CHIC1: variants seen among roughly 807,000 people sequenced by gnomAD.
CHIC1 encodes the protein cysteine-rich hydrophobic domain-containing protein 1.
A neutral mutation model predicts 18.5 loss-of-function variants in CHIC1; 7 were observed. That is an observed-to-expected ratio of 0.38 (90% confidence interval 0.22 to 0.71). The LOEUF (loss-of-function observed/expected upper bound fraction) is 0.71, where lower values mean the gene tolerates loss of function less well. Ranked by LOEUF, CHIC1 falls within the 30% of genes least tolerant of loss-of-function variation. CHIC1 has a pLI of 0.49. For missense variants in CHIC1, 159 were observed against 176.9 expected, an observed-to-expected ratio of 0.90 and a Z score of 0.57; for synonymous variants, 77 against 73.5, an observed-to-expected ratio of 1.05 and a Z score of -0.25.
intron 2 of CHIC1, among the ~76,000 whole-genome samples, chrX:73,580,510 A>G (rs1403553734): frequency 9.0e-6 from 1 of 111,037 alleles, no homozygotes; most frequent in East Asian, 2.8e-4. Context: ...TGGTGGTAAC[A>G]TTAGCTTTAT....
chrX:73,604,005 G>T (rs983740709), intron 3 of CHIC1, among the ~76,000 whole-genome samples: 2 of 108,843 alleles, frequency 1.8e-5, no homozygotes, highest in African/African-American at 3.6e-5. Context: ...GTAACAGGAT[G>T]ATGCTGGCCT....
In CHIC1 at chrX:73,584,459, G is replaced by T; in HGVS notation, c.394G>T (p.Ala132Ser). The change falls in exon 3 of 6, where the codon GCA becomes TCA. Residue 132 changes from alanine (A) to serine (S), a missense_variant. Transcript: ENST00000373502. ...TAAAACCAGCATTGGCCGTGTGAAT[G>T]CATGTTTGAAAAAGGCTCTCCCGGT... is the stretch of plus-strand genomic sequence containing the variant. ...EFKTSIGRVN[A>S]CLKKALPVNV... 1 of 1,181,731 alleles carries T rather than the reference G, an allele frequency of 8.5e-7. No individual in the cohort carries two copies. The highest frequency in any genetic ancestry group is 1.1e-6 in the Non-Finnish European group (1 of 879,245).
intron 3 of CHIC1, among the ~76,000 whole-genome samples, chrX:73,609,586 C>T (rs1301771939): frequency 9.1e-6 from 1 of 109,508 alleles, no homozygotes; most frequent in African/African-American, 3.5e-5. Context: ...TTTTAAAATA[C>T]TTATAGAGAT....
chrX:73,589,367 G>T (rs2057569783), intron 3 of CHIC1, among the ~76,000 whole-genome samples: 1 of 110,531 alleles, frequency 9.0e-6, no homozygotes, highest in Admixed American at 9.7e-5. Context: ...ATGTTTAATT[G>T]AGTTTTTTAC....
At chrX:73,659,961 G>C (rs996762560) in intron 3 of CHIC1, among the ~76,000 whole-genome samples, 1 of 111,657 alleles carries the variant, frequency 9.0e-6, no homozygotes, top group Non-Finnish European at 1.9e-5. Flanking sequence ...ACATCAGTAT[G>C]ATCACCCTGA....
At chrX:73,667,001 C>T (rs2058007360) in intron 3 of CHIC1, among the ~76,000 whole-genome samples, 1 of 111,606 alleles carries the variant, frequency 9.0e-6, no homozygotes. Flanking sequence ...TTTTGAAAGT[C>T]TCTAAAAACT....
chrX:73,602,477 C>T (rs2057656251), intron 3 of CHIC1, among the ~76,000 whole-genome samples: 1 of 108,621 alleles, frequency 9.2e-6, no homozygotes. Context: ...CCTGTTCACT[C>T]TGATGATAGT....
At chrX:73,600,340 G>A (rs371173353) in intron 3 of CHIC1, among the ~76,000 whole-genome samples, 21 of 93,815 alleles carry the variant, frequency 2.2e-4, no homozygotes, top group African/African-American at 4.5e-4. Flanking sequence ...TCTCCTGCCT[G>A]ATTGCCCTGG....
At chrX:73,585,325 T>TA (rs2057547733) in intron 3 of CHIC1, among the ~76,000 whole-genome samples, 1 of 111,445 alleles carries the variant, frequency 9.0e-6, no homozygotes, top group East Asian at 2.8e-4. Context: ...ATTATTTTTT[T>TA]ATCTCTATTC....
chrX:73,590,552 A>G (rs2458396), intron 3 of CHIC1, among the ~76,000 whole-genome samples: 1,461 of 111,469 alleles, frequency 0.013, 18 homozygotes, highest in African/African-American at 0.045. Context: ...AATGATATGT[A>G]GCCATCATCA....
chrX:73,587,889 G>A (rs1189010288), intron 3 of CHIC1, among the ~76,000 whole-genome samples: 1 of 111,120 alleles, frequency 9.0e-6, no homozygotes, highest in African/African-American at 3.3e-5. Flanking sequence ...TAATTTATGT[G>A]TCAACCTTGA....
chrX:73,672,529 G>A (rs1195778506), intron 3 of CHIC1, among the ~76,000 whole-genome samples: 1 of 112,392 alleles, frequency 8.9e-6, no homozygotes, highest in African/African-American at 3.2e-5. Context: ...GTGATGATGA[G>A]CATTTTTTCA....
At chrX:73,655,498 ATATATATACATATATACACAATAT>A (rs2057941549) in intron 3 of CHIC1, among the ~76,000 whole-genome samples, 2 of 83,100 alleles carry the variant, frequency 2.4e-5, no homozygotes, top group Admixed American at 2.8e-4. Flanking sequence ...TATTGTGTAT[ATATATATACATATATACACAATAT>A]TGTGTATATA....
At chrX:73,674,562 G>A (rs1323639508) in intron 3 of CHIC1, among the ~76,000 whole-genome samples, 1 of 111,938 alleles carries the variant, frequency 8.9e-6, no homozygotes, top group Non-Finnish European at 1.9e-5. Context: ...TTGTGTTTCT[G>A]TGGGATCGGT....
chrX:73,661,023 T>C (rs2057977445), intron 3 of CHIC1, among the ~76,000 whole-genome samples: 1 of 111,547 alleles, frequency 9.0e-6, no homozygotes, highest in Non-Finnish European at 1.9e-5. Context: ...TTTGAGCATA[T>C]TTTTAAGGGT....
intron 3 of CHIC1, among the ~76,000 whole-genome samples, chrX:73,607,045 G>C (rs1158366464): frequency 9.2e-6 from 1 of 109,025 alleles, no homozygotes; most frequent in Non-Finnish European, 1.9e-5. Context: ...AGAGCCAGCA[G>C]GCAGGAACGT....
chrX:73,668,923 G>A (rs887635493), intron 3 of CHIC1, among the ~76,000 whole-genome samples: 34 of 112,691 alleles, frequency 3.0e-4, no homozygotes, highest in Non-Finnish European at 3.8e-4. Context: ...GGCTTTTCAA[G>A]GCCCACAGGC....
intron 5 of CHIC1, among the ~76,000 whole-genome samples, chrX:73,680,208 A>C (rs768203547): frequency 9.1e-6 from 1 of 109,761 alleles, no homozygotes; most frequent in Non-Finnish European, 1.9e-5. Context: ...ATAAATTCAC[A>C]TATAGCCAAT....
chrX:73,608,023 A>T (rs1411081975), intron 3 of CHIC1, among the ~76,000 whole-genome samples: 3 of 108,873 alleles, frequency 2.8e-5, no homozygotes, highest in African/African-American at 1.1e-4. Context: ...TTTTCTTCTG[A>T]GTGTTTTATA....
Sources: allele counts gnomAD v4.1 joint callset (sites outside exome capture counted in the v4.1 genomes callset), GRCh38; gene constraint gnomAD v4.1.1; transcripts MANE v1.5; gene names NCBI Gene and HGNC (gene_info 2026-07-23, HGNC 2026-07-21).